Variants in POLG observed in about 807,000 individuals in gnomAD.
POLG encodes the protein DNA polymerase gamma, catalytic subunit, also known as DNA polymerase subunit gamma-1.
In POLG, 110 loss-of-function variants were observed where a neutral mutation model predicts 155.4. The ratio of observed to expected loss-of-function variants is 0.71; its 90% CI spans 0.61 to 0.83. The LOEUF is 0.83. POLG is among the 40% of genes least tolerant of loss of function. The probability of loss-of-function intolerance (pLI) is 0.00; values close to 1 mark genes in which losing one functional copy is unlikely to be tolerated. For synonymous variants in POLG, 701 were observed against 631.5 expected (o/e 1.11, Z -1.65); for missense variants, 1,685 against 1,627.5 (o/e 1.04, Z -0.61).
At chr15:89,317,002 GTCTTAGATAT>G in intron 22 of POLG, 175 bp from the exon 23 acceptor site, 1 of 632,146 alleles carries the variant, frequency 1.6e-6, no homozygotes, top group Non-Finnish European at 2.8e-6. Flanking sequence ...ATATAAGTGT[GTCTTAGATAT>G]ATTTTAAATA....
intron 14 of POLG, among the ~76,000 whole-genome samples, 175 bp from the exon 15 acceptor site, chr15:89,322,190 A>G (rs2055406381): frequency 6.6e-6 from 1 of 152,150 alleles, no homozygotes; most frequent in Non-Finnish European, 1.5e-5. Flanking sequence ...CCTATGATAC[A>G]CCAATCAAGA....
chr15:89,324,084 T>G (rs1484676082), intron 11 of POLG, 23 bp downstream of exon 11: 1 of 1,613,668 alleles, frequency 6.2e-7, no homozygotes, highest in South Asian at 1.1e-5. Flanking sequence ...TCCCCAAAGC[T>G]CAGGTTCAGA....
Position 89,324,187 on chromosome 15 carries a change from C to A in POLG, c.1990G>T (p.Gly664Trp). ...SLYRKHCLEQ[G>W]KQQLMPQEAG... is the part of the protein sequence containing the mutation. Reference sequence around the variant, plus strand: ...TCCTGGGGCATCAGCTGCTGCTTCCCCTGTTCGAGACAGTGCTTCCTGTAC... The same window carrying A: ...TCCTGGGGCATCAGCTGCTGCTTCCACTGTTCGAGACAGTGCTTCCTGTAC... The change falls in exon 11 of 23, where the codon GGG becomes TGG. Residue 664 changes from glycine to tryptophan, a missense_variant. Around this residue, in one of 3 missense-constraint regions of POLG, gnomAD observed 1,210 missense variants for 1,167.1 expected, o/e 1.04. Coordinates refer to ENST00000268124, the MANE Select transcript of POLG (RefSeq NM_002693.3). 1 of 1,613,736 alleles carries A rather than the reference C, an allele frequency of 6.2e-7. No homozygotes were observed. Among genetic ancestry groups the A allele is most frequent in the Non-Finnish European group, 8.5e-7 (1 of 1,180,022 alleles).
At chr15:89,326,498 G>A in intron 9 of POLG, 114 bp downstream of exon 9, 1 of 1,180,888 alleles carries the variant, frequency 8.5e-7, no homozygotes, top group South Asian at 1.3e-5. Flanking sequence ...ATGGCAGCAG[G>A]TCAATAAGTA....
At position 89,325,055 on chromosome 15, in the gene POLG, AGAGAGTGAGTGAGT is replaced by A. The variant is rs1567189057; in HGVS notation, c.1949+381_1949+394del. 7.3e-4 allele frequency among the ~76,000 whole-genome samples: 84 copies of A among 114,450 alleles called. 16 individuals carry two copies. The highest frequency in any genetic ancestry group is 3.0e-3 in the African/African-American group (67 of 22,508). The allele number at this position is 114,450 out of a possible 152,430, so 75.1% of individuals were successfully genotyped here. A position where few individuals can be genotyped will look rare whatever the true frequency, so the allele number is the denominator to read the frequency against. On this transcript the variant is annotated intron_variant, in intron 10 of 22. Coordinates refer to ENST00000268124, the MANE Select transcript of POLG (RefSeq NM_002693.3). ...AACCCAGAGAGTGAGTGAGTGAGTG[AGAGAGTGAGTGAGT>A]GAGTGAGTGAGTGAGAGAGTGAGTG...
rs548358708 is a variant in POLG, at chr15:89,321,496, A to G, written c.2599-236T>C. 1.5e-3 allele frequency among the ~76,000 whole-genome samples: 223 copies of G among 152,306 alleles called. 2 individuals carry two copies. The highest frequency in any genetic ancestry group is 4.8e-3 in the Admixed American group (74 of 15,302). Reference sequence around the variant, plus strand: ...ACCCCTCACCTACACGGTCCTATCTAAATTCCATGAGAGCTGTAGCTATTA... The same window carrying G: ...ACCCCTCACCTACACGGTCCTATCTGAATTCCATGAGAGCTGTAGCTATTA... On this transcript the variant is annotated intron_variant, in intron 16 of 22. Transcript: ENST00000268124.
rs763917706 is a variant in POLG, at chr15:89,333,084, G to A, written c.659+12C>T. On this transcript the variant is annotated intron_variant, in intron 2 of 22. Coordinates refer to ENST00000268124, the MANE Select transcript of POLG (RefSeq NM_002693.3). The stretch of plus-strand genomic sequence containing the variant: ...CATGCCTGCTTATGTCCCCAACCCT[G>A]CCCCTACTTACCAGGCCGAGGGGGA... 4 of 1,510,166 alleles carry A rather than the reference G, an allele frequency of 2.6e-6. No individual in the cohort carries two copies. Among genetic ancestry groups the A allele is most frequent in the Non-Finnish European group, 3.5e-6 (4 of 1,129,624 alleles). 93.5% of individuals were successfully genotyped at this position (1,510,166 alleles called of 1,614,324 possible). A position where few individuals can be genotyped will look rare whatever the true frequency, so the allele number is the denominator to read the frequency against.
rs1424804808 is a variant in POLG, at chr15:89,319,109, C to T, written c.3105-10G>A. 1.2e-6 allele frequency: 2 copies of T among 1,614,118 alleles called. No individual in the cohort carries two copies. The highest frequency in any genetic ancestry group is 2.2e-5 in the East Asian group (1 of 44,872). ...CTTCTTCCACTGTGACCTAAGGGAC[C>T]AGAAACAGAGGGCAGACTTTGTCTT... On this transcript the variant is annotated splice_polypyrimidine_tract_variant and intron_variant, in intron 19 of 22. Coordinates refer to ENST00000268124, the MANE Select transcript of POLG (RefSeq NM_002693.3).
chr15:89,332,599 C>CG (rs1438999241), intron 2 of POLG, among the ~76,000 whole-genome samples: 1 of 810 alleles, frequency 1.2e-3, no homozygotes, highest in Non-Finnish European at 1.8e-3. Flanking sequence ...ACGTTGCCGG[C>CG]GGGGGCAGGG....
rs2152059363 is a variant in POLG, at chr15:89,319,036, T to C, written c.3168A>G (p.Glu1056=). The part of the protein sequence containing the change: ...ERAWKGGTES[E]MFNKLESIAT... The stretch of plus-strand genomic sequence containing the variant: ...CAATGCTCTCAAGCTTATTGAACAT[T>C]TCTGACTCTGTGCCCCCCTTCCATG... The change falls in exon 20 of 23, where the codon GAA becomes GAG. Residue 1056 remains glutamate, a synonymous_variant. Transcript: ENST00000268124. 1 of 1,614,152 alleles carries C rather than the reference T, an allele frequency of 6.2e-7. No homozygotes were observed. The highest frequency in any genetic ancestry group is 1.7e-5 in the Admixed American group (1 of 60,016).
intron 3 of POLG, 62 bp downstream of exon 3, chr15:89,330,019 C>T (rs2055573435): frequency 7.1e-7 from 1 of 1,407,242 alleles, no homozygotes; most frequent in African/African-American, 1.4e-5. Flanking sequence ...CCCCTAACCA[C>T]TGAGATTAGG....
chr15:89,323,591 A>G, intron 12 of POLG, 80 bp from the exon 13 acceptor site: 2 of 966,978 alleles, frequency 2.1e-6, no homozygotes, highest in Non-Finnish European at 1.7e-6. Flanking sequence ...GGGTGGGAAA[A>G]GGGCCTGAAA....
Position 89,325,549 on chromosome 15 carries a change from C to T in POLG, c.1850G>A (p.Arg617His), listed in dbSNP as rs779961986. The change falls in exon 10 of 23, where the codon CGT (arginine) becomes CAT (histidine). Residue 617 changes from arginine to histidine, a missense_variant. Around this residue, in one of 3 missense-constraint regions of POLG, gnomAD observed 1,210 missense variants for 1,167.1 expected, o/e 1.04. Coordinates refer to ENST00000268124, the MANE Select transcript of POLG (RefSeq NM_002693.3). ...WDGFPLHYSE[R>H]HGWGYLVPGR... ...AGGCACCAAGTAGCCCCAGCCATGACGCTCTGAGTAGTGCAGAGGGAAGCC... is the reference window on the plus strand; with the variant it reads ...AGGCACCAAGTAGCCCCAGCCATGATGCTCTGAGTAGTGCAGAGGGAAGCC... 2.1e-5 allele frequency: 34 copies of T among 1,613,360 alleles called. 2 individuals are homozygous for T. The highest frequency in any genetic ancestry group is 1.4e-4 in the South Asian group (13 of 91,082).
Position 89,326,640 on chromosome 15 carries a change from G to A in POLG, c.1684C>T (p.Arg562Trp), listed in dbSNP as rs756952607. ...GGGTGTCCAGGAAGGTGCTGGGGCCGCTTGGGCAGGAGCTCTGTGGTCCCC... is the reference window on the plus strand; with the variant it reads ...GGGTGTCCAGGAAGGTGCTGGGGCCACTTGGGCAGGAGCTCTGTGGTCCCC... ...LKGTTELLPK[R>W]PQHLPGHPGW... The change falls in exon 9 of 23, where the codon CGG (arginine) becomes TGG (tryptophan). Residue 562 changes from arginine to tryptophan, a missense_variant. Around this residue, in one of 3 missense-constraint regions of POLG, gnomAD observed 1,210 missense variants for 1,167.1 expected, o/e 1.04. Transcript: ENST00000268124. 51 of 1,613,858 alleles carry A rather than the reference G, an allele frequency of 3.2e-5. No individual in the cohort carries two copies. The highest frequency in any genetic ancestry group is 4.0e-5 in the African/African-American group (3 of 74,916).
In POLG at chr15:89,316,783, A is replaced by G; in HGVS notation, c.3688T>C (p.Ser1230Pro). The change falls in exon 23 of 23, where the codon TCC (serine) becomes CCC (proline). Residue 1230 changes from serine (S) to proline (P), a missense_variant. Transcript: ENST00000268124. ...IYQIIELTKG[S>P]LEKRSQPGP ...CCAGGCTGGCTTCGTTTTTCCAAGG[A>G]GCCTTTGGTGAGTTCAATTATCTGG... 1.2e-6 allele frequency: 2 copies of G among 1,613,992 alleles called. No individual in the cohort carries two copies. The highest frequency in any genetic ancestry group is 1.7e-6 in the Non-Finnish European group (2 of 1,179,892).
chr15:89,324,108 G>A lies in POLG; in HGVS notation c.2069C>T (p.Thr690Met), dbSNP rs201677865. 1.9e-5 allele frequency: 31 copies of A among 1,613,826 alleles called. No individual in the cohort carries two copies. Among genetic ancestry groups the A allele is most frequent in the East Asian group, 1.1e-4 (5 of 44,886 alleles). Reference sequence around the variant, plus strand: ...CTCAGGTTCAGAGCCTGCCCTCACCGTTTGCCATATGGCACTATTGTCAGT... The same window carrying A: ...CTCAGGTTCAGAGCCTGCCCTCACCATTTGCCATATGGCACTATTGTCAGT... ...LLTDNSAIWQTVEELDYLEVE... is the reference protein window; with the variant it reads ...LLTDNSAIWQMVEELDYLEVE... Residue 690 changes from threonine (T) to methionine (M), a missense_variant and splice_region_variant, in exon 11 of 23, where the codon ACG (threonine) becomes ATG (methionine). Thr to Met is a moderately conservative substitution (Grantham distance 81, BLOSUM62 -1). This residue lies in a region of POLG where 1,210 missense variants were observed against 1,167.1 expected (regional missense o/e 1.04). Transcript: ENST00000268124.
chr15:89,317,330 C>G (rs375815816), intron 22 of POLG, 46 bp downstream of exon 22: 1 of 1,591,150 alleles, frequency 6.3e-7, no homozygotes, highest in Admixed American at 1.7e-5. Flanking sequence ...CTTTCTAGTC[C>G]ACCTCAGATC....
chr15:89,319,773 G>A (rs893187587), intron 18 of POLG, among the ~76,000 whole-genome samples: 29 of 152,174 alleles, frequency 1.9e-4, no homozygotes, highest in Non-Finnish European at 2.9e-5. Context: ...GAAGGGGAGG[G>A]GGCATTTGTT....
Position 89,320,982 on chromosome 15 carries a change from T to C in POLG, c.2765A>G (p.Gln922Arg). 1 of 1,590,062 alleles carries C rather than the reference T, an allele frequency of 6.3e-7. No homozygotes were observed. Among genetic ancestry groups the C allele is most frequent in the Non-Finnish European group, 8.6e-7 (1 of 1,168,044 alleles). Reference protein sequence around the residue: ...GCTAFGWMTLQGRKSRGTDLH... With the variant: ...GCTAFGWMTLRGRKSRGTDLH... ...ATCAGTGCCCCTGCTCTTCCTGCCC[T>C]GCAGTGTCATCCACCCAAAGGCTGT... is the stretch of plus-strand genomic sequence containing the variant. The change falls in exon 18 of 23, where the codon CAG becomes CGG. Residue 922 changes from glutamine to arginine, a missense_variant. Gln to Arg is a conservative substitution (Grantham distance 43, BLOSUM62 1). Transcript: ENST00000268124.
Sources: gnomAD v4.1 joint callset for allele counts (sites outside exome capture counted in the v4.1 genomes callset) on GRCh38, gnomAD v4.1.1 for gene constraint, gnomAD v4.1.1 regional missense constraint, MANE v1.5 for transcripts, NCBI Gene and HGNC (gene_info 2026-07-23, HGNC 2026-07-21) for gene names.